MAGI3: variants seen among roughly 807,000 people sequenced by gnomAD.
MAGI3 encodes membrane-associated guanylate kinase, WW and PDZ domain-containing protein 3.
Under a neutral mutation model 121.8 loss-of-function variants are expected in MAGI3, and 43 were observed. That is an observed-to-expected ratio of 0.35 (90% CI 0.28 to 0.46). The LOEUF (loss-of-function observed/expected upper bound fraction) is 0.46. Among genes scored for constraint, MAGI3 ranks in the 20% least tolerant of loss-of-function variants. The pLI, the probability that MAGI3 is intolerant of heterozygous loss-of-function variation, is 1.00. For synonymous variants in MAGI3, 553 were observed against 639.3 expected (o/e 0.86, Z 2.04); for missense variants, 1,547 against 1,797.3 (o/e 0.86, Z 2.52).
intron 1 of MAGI3, among the ~76,000 whole-genome samples, chr1:113,396,736 G>A (rs576420784): frequency 2.0e-5 from 3 of 152,314 alleles, no homozygotes; most frequent in African/African-American, 7.2e-5. Flanking sequence ...CCAAGTGCCA[G>A]CATGGAGCTA....
At chr1:113,536,942 A>G (rs1344975861) in intron 1 of MAGI3, among the ~76,000 whole-genome samples, 1 of 152,152 alleles carries the variant, frequency 6.6e-6, no homozygotes, top group African/African-American at 2.4e-5. Context: ...GTTTAATTGC[A>G]GGCCCCATAG....
intron 4 of MAGI3, among the ~76,000 whole-genome samples, chr1:113,589,702 A>G (rs918671633): frequency 6.6e-6 from 1 of 152,096 alleles, no homozygotes; most frequent in African/African-American, 2.4e-5. Context: ...AATCTGAGCC[A>G]TTGCCTGCAA....
intron 11 of MAGI3, among the ~76,000 whole-genome samples, chr1:113,644,258 A>G (rs1404651479): frequency 6.6e-6 from 1 of 151,904 alleles, no homozygotes; most frequent in Non-Finnish European, 1.5e-5. Flanking sequence ...AATTAGGCTT[A>G]TTTTTTTATT....
chr1:113,525,957 G>T (rs2051083), intron 1 of MAGI3, among the ~76,000 whole-genome samples: 23,286 of 151,964 alleles, frequency 0.15, 2,776 homozygotes, highest in East Asian at 0.63. Context: ...AGCCAAGATT[G>T]CACCACTGCA....
intron 2 of MAGI3, among the ~76,000 whole-genome samples, chr1:113,555,745 T>A (rs1045419446): frequency 9.2e-5 from 14 of 151,676 alleles, no homozygotes; most frequent in South Asian, 4.2e-4. Flanking sequence ...CAAAAAAAAA[T>A]TTTTTTAATG....
chr1:113,601,807 G>A (rs1004545878), intron 6 of MAGI3, among the ~76,000 whole-genome samples: 1 of 144,584 alleles, frequency 6.9e-6, no homozygotes, highest in South Asian at 2.4e-4. Context: ...CAATAGCAAA[G>A]ACTTGGAACC....
chr1:113,401,966 TG>T (rs1651431772), intron 1 of MAGI3, among the ~76,000 whole-genome samples: 1 of 152,178 alleles, frequency 6.6e-6, no homozygotes, highest in African/African-American at 2.4e-5. Context: ...GTTTTCTCTC[TG>T]GGCTAAAGTC....
chr1:113,582,797 A>G (rs1442369039), intron 3 of MAGI3, among the ~76,000 whole-genome samples: 1 of 151,868 alleles, frequency 6.6e-6, no homozygotes, highest in Non-Finnish European at 1.5e-5. Context: ...AGAGAAAAAA[A>G]GGGAGATTTG....
intron 2 of MAGI3, among the ~76,000 whole-genome samples, chr1:113,553,557 C>G (rs1659867736): frequency 1.3e-5 from 2 of 152,160 alleles, no homozygotes; most frequent in African/African-American, 4.8e-5. Context: ...TAAGGGTCCT[C>G]CCTTACTAGC....
chr1:113,601,312 A>G (rs987042509), intron 6 of MAGI3, among the ~76,000 whole-genome samples: 1 of 152,216 alleles, frequency 6.6e-6, no homozygotes, highest in South Asian at 2.1e-4. Flanking sequence ...AAATTTTTGC[A>G]ATCTACTCAT....
chr1:113,484,167 CTG>C (rs538861127), intron 1 of MAGI3, among the ~76,000 whole-genome samples: 1 of 152,166 alleles, frequency 6.6e-6, no homozygotes, highest in Non-Finnish European at 1.5e-5. Flanking sequence ...ATATGGGAAA[CTG>C]TGGCAAATTT....
At chr1:113,627,217 AT>A (rs1195920984) in intron 9 of MAGI3, among the ~76,000 whole-genome samples, 5 of 151,768 alleles carry the variant, frequency 3.3e-5, no homozygotes, top group Non-Finnish European at 7.4e-5. Flanking sequence ...CTATTGTTTA[AT>A]TTCCATGGGT....
intron 19 of MAGI3, among the ~76,000 whole-genome samples, chr1:113,676,940 TTGTG>T (rs1245644142): frequency 6.6e-6 from 1 of 152,268 alleles, no homozygotes; most frequent in South Asian, 2.1e-4. Context: ...GAGAGAATTA[TTGTG>T]TGTGTGTGTT....
intron 9 of MAGI3, among the ~76,000 whole-genome samples, chr1:113,638,692 A>C (rs1652222225): frequency 6.6e-6 from 1 of 152,230 alleles, no homozygotes; most frequent in Non-Finnish European, 1.5e-5. Context: ...TCAGGGACCC[A>C]CTTGAGGAGG....
intron 1 of MAGI3, among the ~76,000 whole-genome samples, chr1:113,466,283 C>T (rs926100681): frequency 4.6e-5 from 7 of 151,836 alleles, no homozygotes; most frequent in African/African-American, 9.7e-5. Context: ...TGTTAATTAT[C>T]GCATTTATTG....
intron 1 of MAGI3, among the ~76,000 whole-genome samples, chr1:113,445,205 G>A (rs181532868): frequency 1.3e-5 from 2 of 152,294 alleles, no homozygotes; most frequent in African/African-American, 4.8e-5. Flanking sequence ...GCTTAATGCT[G>A]AAAACTTTTC....
chr1:113,582,760 T>A (rs1266125466), intron 3 of MAGI3, among the ~76,000 whole-genome samples: 1 of 151,894 alleles, frequency 6.6e-6, no homozygotes, highest in Non-Finnish European at 1.5e-5. Context: ...TAATTGTAGA[T>A]GTGGCCATAT....
intron 1 of MAGI3, among the ~76,000 whole-genome samples, chr1:113,436,254 G>T (rs1653560565): frequency 6.6e-6 from 1 of 151,890 alleles, no homozygotes; most frequent in Non-Finnish European, 1.5e-5. Flanking sequence ...AGTGTGTTTT[G>T]TAAGAAATAA....
intron 2 of MAGI3, among the ~76,000 whole-genome samples, chr1:113,558,207 G>T (rs746348310): frequency 8.5e-5 from 13 of 152,178 alleles, no homozygotes; most frequent in Non-Finnish European, 1.6e-4. Context: ...CCAGGCTAAG[G>T]CTGAGATGGC....
Sources: gnomAD v4.1 joint callset for allele counts (sites outside exome capture counted in the v4.1 genomes callset) on GRCh38, gnomAD v4.1.1 for gene constraint, MANE v1.5 for transcripts, NCBI Gene and HGNC (gene_info 2026-07-23, HGNC 2026-07-21) for gene names.